KIAA1328: variants seen among roughly 807,000 people sequenced by gnomAD.
KIAA1328 encodes protein hinderin.
Under a neutral mutation model 68.1 loss-of-function variants are expected in KIAA1328, and 52 were observed. The observed-to-expected ratio is 0.76, with a 90% CI of 0.61 to 0.96. The LOEUF (loss-of-function observed/expected upper bound fraction) is 0.96. Ranked by LOEUF, KIAA1328 falls within the 40% of genes least tolerant of loss-of-function variation. The pLI, the probability that KIAA1328 is intolerant of heterozygous loss-of-function variation, is 0.00. For missense variants in KIAA1328, 641 were observed against 677.6 expected (o/e 0.95, Z 0.60); for synonymous variants, 232 against 239.4 (o/e 0.97, Z 0.28).
chr18:37,059,188 A>C (rs905883294), intron 6 of KIAA1328, among the ~76,000 whole-genome samples: 1 of 152,198 alleles, frequency 6.6e-6, no homozygotes. Flanking sequence ...TTACAGAATT[A>C]ACGTTGAATA....
chr18:37,221,861 G>T (rs936151686), intron 9 of KIAA1328, among the ~76,000 whole-genome samples, 156 bp from the exon 10 acceptor site: 2 of 152,168 alleles, frequency 1.3e-5, no homozygotes, highest in Admixed American at 1.3e-4. Flanking sequence ...AGTCCTTCTG[G>T]TGTTTACCTT....
At chr18:37,084,306 T>C (rs2057034552) in intron 7 of KIAA1328, 1 of 719,050 alleles carries the variant, frequency 1.4e-6, no homozygotes, top group Non-Finnish European at 2.0e-6. Context: ...TATACTTTTA[T>C]AGCTCTATGT....
intron 6 of KIAA1328, among the ~76,000 whole-genome samples, chr18:37,006,432 A>T (rs1412312537): frequency 6.6e-6 from 1 of 152,166 alleles, no homozygotes; most frequent in African/African-American, 2.4e-5. Context: ...ACCCCCAAAA[A>T]GGTTACATTT....
chr18:36,905,081 A>ATATTTATT (rs55910118), intron 5 of KIAA1328, among the ~76,000 whole-genome samples: 64 of 142,586 alleles, frequency 4.5e-4, no homozygotes, highest in African/African-American at 1.5e-3. Flanking sequence ...TTGTAAGGAG[A>ATATTTATT]TATTTATTTA....
rs1010957544 is a variant in KIAA1328 at position 37,081,690 on chromosome 18, T to C, written c.1232+14145T>C. 2.0e-5 allele frequency among the ~76,000 whole-genome samples: 3 copies of C among 152,334 alleles called. 1 individual carries two copies. The highest frequency in any genetic ancestry group is 3.9e-4 in the East Asian group (2 of 5,190). ...ACTTCTCTACCCATTTGTCCCACTT[T>C]TCCTAAGAAATAAAGTTTTTTTCCC... On this transcript the variant is annotated intron_variant, in intron 7 of 9. Transcript: ENST00000280020.
intron 6 of KIAA1328, among the ~76,000 whole-genome samples, chr18:36,978,930 A>T (rs1321564258): frequency 6.6e-6 from 1 of 152,226 alleles, no homozygotes; most frequent in Non-Finnish European, 1.5e-5. Context: ...TGGAAGGCCA[A>T]GGCAGGTGGA....
chr18:37,226,854 G>A (rs12327545), downstream of KIAA1328, among the ~76,000 whole-genome samples: 4,611 of 150,550 alleles, frequency 0.031, 243 homozygotes, highest in African/African-American at 0.11. Flanking sequence ...TGCAACCTCC[G>A]CCTCCCGGGT....
chr18:36,936,492 A>G (rs2050504249), intron 5 of KIAA1328, among the ~76,000 whole-genome samples: 1 of 152,148 alleles, frequency 6.6e-6, no homozygotes, highest in South Asian at 2.1e-4. Context: ...TCCATCATGT[A>G]TATGTGCCAC....
rs144208558 is a variant in KIAA1328 at position 37,153,814 on chromosome 18, A to G, written c.1233-6386A>G. Reference sequence around the variant, plus strand: ...AGGTATCTATCTGTTTCTCCAGCCTAGATTTTATGGTCTTCTAAATCAAGG... The same window carrying G: ...AGGTATCTATCTGTTTCTCCAGCCTGGATTTTATGGTCTTCTAAATCAAGG... On this transcript the variant is annotated intron_variant, in intron 7 of 9. Transcript: ENST00000280020. 7.4e-5 allele frequency among the ~76,000 whole-genome samples: 11 copies of G among 148,280 alleles called. No homozygotes were observed. The East Asian group carries it at 2.2e-3, about 30-fold the overall frequency.
In KIAA1328 at chr18:36,879,447, A is replaced by G. The variant is rs1033798442; in HGVS notation, c.333-6110A>G. On this transcript the variant is annotated intron_variant, in intron 4 of 9. Coordinates refer to ENST00000280020, the MANE Select transcript of KIAA1328 (RefSeq NM_020776.3). ...ATGCCAGTCGGAGCTCTCCTATATG[A>G]GGTGTCTGTCAACCTCTGCTGGGAG... Among the ~76,000 whole-genome samples, 3 of 151,870 alleles carry G rather than the reference A, an allele frequency of 2.0e-5. No individual in the cohort carries two copies. The East Asian group carries it at 5.8e-4, about 29-fold the overall frequency.
At chr18:37,161,363 G>A (rs1019102583) in intron 8 of KIAA1328, among the ~76,000 whole-genome samples, 1 of 152,126 alleles carries the variant, frequency 6.6e-6, no homozygotes, top group Non-Finnish European at 1.5e-5. Context: ...GGGTTTGATT[G>A]TGATTAATCT....
intron 7 of KIAA1328, among the ~76,000 whole-genome samples, chr18:37,151,497 T>C (rs994606108): frequency 6.6e-6 from 1 of 152,148 alleles, no homozygotes; most frequent in Non-Finnish European, 1.5e-5. Flanking sequence ...AAGACTAAAT[T>C]GAAGGACTTA....
In KIAA1328 at chr18:37,067,064, A is replaced by AC. The variant is rs765224078; in HGVS notation, c.754dup (p.Leu252ProfsTer7). 2 of 1,613,956 alleles carry AC rather than the reference A, an allele frequency of 1.2e-6. No individual in the cohort carries two copies. On this transcript the variant is annotated frameshift_variant, in exon 7 of 10. Transcript: ENST00000280020. LOFTEE classifies it high-confidence loss of function. ...TAGGAATAATTCTTTGAAACCAGTAACCCTTCATCATCCCAAAGATGATCT... is the reference window on the plus strand; with the variant it reads ...TAGGAATAATTCTTTGAAACCAGTAACCCCTTCATCATCCCAAAGATGATCT...
At chr18:36,940,327 A>G (rs2050661367) in intron 5 of KIAA1328, among the ~76,000 whole-genome samples, 1 of 152,228 alleles carries the variant, frequency 6.6e-6, no homozygotes, top group South Asian at 2.1e-4. Context: ...TGCATGTCTT[A>G]GAAGTTCCCA....
intron 9 of KIAA1328, among the ~76,000 whole-genome samples, chr18:37,190,950 G>C (rs182532453): frequency 3.6e-4 from 55 of 152,316 alleles, no homozygotes; most frequent in East Asian, 3.3e-3. Context: ...TAGTGAGTCT[G>C]TCTGGGTCTT....
intron 7 of KIAA1328, among the ~76,000 whole-genome samples, chr18:37,121,873 A>G (rs1013313376): frequency 6.6e-6 from 1 of 152,032 alleles, no homozygotes; most frequent in African/African-American, 2.4e-5. Flanking sequence ...GAGAATGTGT[A>G]TGTGTGTGTG....
At chr18:36,955,929 C>T (rs978473020) in intron 5 of KIAA1328, 1 of 152,166 alleles carries the variant, frequency 6.6e-6, no homozygotes, top group African/African-American at 2.4e-5. Flanking sequence ...TCTGATAGGC[C>T]AGGGGAATTA....
At chr18:36,990,221 TA>T (rs2053119336) in intron 6 of KIAA1328, among the ~76,000 whole-genome samples, 1 of 152,186 alleles carries the variant, frequency 6.6e-6, no homozygotes, top group Non-Finnish European at 1.5e-5. Context: ...TTTACAACTT[TA>T]TTTTCTTACT....
chr18:36,849,741 G>A (rs963335200), intron 4 of KIAA1328, among the ~76,000 whole-genome samples: 8 of 152,018 alleles, frequency 5.3e-5, no homozygotes, highest in African/African-American at 1.9e-4. Flanking sequence ...GAGCTGAATT[G>A]TTTAGTCTTA....
Sources: allele counts gnomAD v4.1 joint callset (sites outside exome capture counted in the v4.1 genomes callset), GRCh38; gene constraint gnomAD v4.1.1; transcripts MANE v1.5; gene names NCBI Gene and HGNC (gene_info 2026-07-23, HGNC 2026-07-21).